Variants in ERICH3 observed in about 807,000 individuals in gnomAD.
ERICH3 encodes glutamate-rich protein 3.
Under a neutral mutation model 131.1 loss-of-function variants are expected in ERICH3, and 126 were observed. That is an observed-to-expected ratio of 0.96 (90% CI 0.83 to 1.11). ERICH3 has a LOEUF of 1.11. ERICH3 is among the 50% of genes most tolerant of loss of function. The pLI is 0.00. For missense variants in ERICH3, 2,050 were observed against 1,810.7 expected, an observed-to-expected ratio of 1.13 and a Z score of -2.40; for synonymous variants, 695 against 644.6, an observed-to-expected ratio of 1.08 and a Z score of -1.18.
rs763551235 is a variant in ERICH3, at chr1:74,571,086, C to T, written c.*18+13G>A. The T allele has an allele frequency of 2.5e-6, 4 of 1,593,732 alleles. No individual in the cohort carries two copies. The highest frequency in any genetic ancestry group is 3.4e-6 in the Non-Finnish European group (4 of 1,171,054). On this transcript the variant is annotated intron_variant, in intron 14 of 14. Coordinates refer to ENST00000326665, the MANE Select transcript of ERICH3 (RefSeq NM_001002912.5). ...GCTATTTAGTCCTACAAAGACATTA[C>T]GCTTAAACTCACTGTCTGCCAGCAA...
intron 12 of ERICH3, among the ~76,000 whole-genome samples, chr1:74,588,357 C>T (rs1025936049): frequency 1.2e-4 from 19 of 152,214 alleles, no homozygotes; most frequent in African/African-American, 4.6e-4. Flanking sequence ...GGCTTCCACT[C>T]AGCAAGTTAT....
rs1646989577 is a variant in ERICH3, at chr1:74,573,156, C to T, written c.2554G>A (p.Gly852Ser). ...AAEAEGVRRL[G>S]EGGSDPIGQA... ...CCTATGGGGTCTGACCCCCCTTCAC[C>T]CAGCCTTCTGACCCCTTCTGCTTCT... The change falls in exon 14 of 15, where the codon GGT becomes AGT. Residue 852 changes from glycine to serine, a missense_variant. By Grantham distance (56) the Gly-to-Ser change is moderately conservative. Transcript: ENST00000326665. 1.9e-6 allele frequency: 3 copies of T among 1,613,504 alleles called. No individual in the cohort carries two copies. The highest frequency in any genetic ancestry group is 3.3e-5 in the Admixed American group (2 of 59,994).
chr1:74,625,519 A>G (rs564733498), intron 7 of ERICH3: 1 of 152,024 alleles, frequency 6.6e-6, no homozygotes, highest in Non-Finnish European at 1.5e-5. Flanking sequence ...CTCGGTCAAA[A>G]CTAATATTTC....
intron 1 of ERICH3, among the ~76,000 whole-genome samples, chr1:74,671,296 T>G (rs585326): frequency 0.31 from 46,584 of 151,294 alleles, 7,971 homozygotes; most frequent in East Asian, 0.63. Context: ...TTATCAGTAG[T>G]TCTGCTTTTG....
intron 11 of ERICH3, among the ~76,000 whole-genome samples, chr1:74,597,127 G>C (rs1647887995): frequency 6.6e-6 from 1 of 152,034 alleles, no homozygotes; most frequent in African/African-American, 2.4e-5. Flanking sequence ...ATGCTGTCTG[G>C]CTTTTCAACA....
chr1:74,655,803 GT>G (rs1275280831), intron 1 of ERICH3, among the ~76,000 whole-genome samples: 1 of 152,136 alleles, frequency 6.6e-6, no homozygotes, highest in East Asian at 1.9e-4. Flanking sequence ...GAATGTGATG[GT>G]GATTGGACTG....
chr1:74,671,884 A>C (rs1457144132), intron 1 of ERICH3, among the ~76,000 whole-genome samples: 1 of 152,186 alleles, frequency 6.6e-6, no homozygotes, highest in Non-Finnish European at 1.5e-5. Flanking sequence ...AAATTAATAC[A>C]ATATGGTGCC....
intron 7 of ERICH3, chr1:74,623,707 C>T (rs1283386988): frequency 6.6e-6 from 1 of 152,158 alleles, no homozygotes; most frequent in Admixed American, 6.5e-5. Context: ...TCAGAGTGAT[C>T]TATTGTTATT....
intron 8 of ERICH3, among the ~76,000 whole-genome samples, chr1:74,617,098 C>T (rs771942560): frequency 5.3e-5 from 8 of 150,752 alleles, no homozygotes; most frequent in Non-Finnish European, 1.2e-4. Flanking sequence ...ATGGCTGGCT[C>T]TGCACCAGGA....
intron 11 of ERICH3, among the ~76,000 whole-genome samples, chr1:74,596,350 G>A (rs1172698999): frequency 9.9e-5 from 15 of 151,536 alleles, no homozygotes; most frequent in Middle Eastern, 3.4e-3. Flanking sequence ...ATTTGTAATT[G>A]ACAAATAATT....
At chr1:74,612,513 C>A (rs1648744122) in intron 9 of ERICH3, 110 bp downstream of exon 9, 2 of 930,002 alleles carry the variant, frequency 2.2e-6, no homozygotes, top group Non-Finnish European at 3.1e-6. Context: ...ATTGTAGGCC[C>A]ATCTATACTG....
chr1:74,615,639 CTT>C (rs1648922894), intron 8 of ERICH3, among the ~76,000 whole-genome samples: 1 of 152,086 alleles, frequency 6.6e-6, no homozygotes, highest in Admixed American at 6.5e-5. Context: ...CAAATCCTCT[CTT>C]TCTTAAAATT....
intron 1 of ERICH3, among the ~76,000 whole-genome samples, chr1:74,652,430 A>C (rs1646544134): frequency 6.6e-6 from 1 of 152,022 alleles, no homozygotes; most frequent in Non-Finnish European, 1.5e-5. Context: ...CCATTTTCAC[A>C]TTTACCCAGT....
intron 12 of ERICH3, among the ~76,000 whole-genome samples, chr1:74,578,829 A>T (rs1261249522): frequency 1.3e-5 from 2 of 152,126 alleles, no homozygotes; most frequent in Admixed American, 1.3e-4. Context: ...AGGGGTAATT[A>T]CTTACTGACC....
chr1:74,648,275 T>A (rs574417075), intron 2 of ERICH3, among the ~76,000 whole-genome samples: 1 of 152,268 alleles, frequency 6.6e-6, no homozygotes, highest in Admixed American at 6.6e-5. Context: ...TCCAAAGAAG[T>A]GATGTTAATA....
intron 8 of ERICH3, among the ~76,000 whole-genome samples, chr1:74,619,981 T>C (rs1034004917): frequency 6.6e-6 from 1 of 152,172 alleles, no homozygotes; most frequent in Non-Finnish European, 1.5e-5. Context: ...AATTCCATGT[T>C]TGTCCCCAAT....
intron 8 of ERICH3, among the ~76,000 whole-genome samples, chr1:74,617,917 G>A (rs1442654759): frequency 6.6e-6 from 1 of 152,168 alleles, no homozygotes; most frequent in Admixed American, 6.5e-5. Context: ...AAACAGGGCT[G>A]AGTGTGGTGG....
Position 74,571,940 on chromosome 1 carries a change from C to G in ERICH3, c.3770G>C (p.Arg1257Thr). ...DHDSCAGLEGRAEGQGGVDVV... is the reference protein window; with the variant it reads ...DHDSCAGLEGTAEGQGGVDVV... ...ATCCACTCCTCCTTGCCCTTCAGCT[C>G]TCCCCTCCAGTCCTGCGCAGGAGTC... Residue 1257 changes from arginine (R) to threonine (T), a missense_variant, in exon 14 of 15, where the codon AGA becomes ACA. Physicochemically the swap from Arg to Thr is moderately conservative, Grantham distance 71. Transcript: ENST00000326665. 1.2e-6 allele frequency: 2 copies of G among 1,613,568 alleles called. No individual in the cohort carries two copies. Among genetic ancestry groups the G allele is most frequent in the Non-Finnish European group, 1.7e-6 (2 of 1,180,042 alleles).
Position 74,576,956 on chromosome 1 carries a change from AG to A in ERICH3, c.2177-21del. 6 of 1,567,914 alleles carry A rather than the reference AG, an allele frequency of 3.8e-6. No homozygotes were observed. Among genetic ancestry groups the A allele is most frequent in the African/African-American group, 1.4e-5 (1 of 72,404 alleles). On this transcript the variant is annotated intron_variant, in intron 12 of 14. Transcript: ENST00000326665. ...CCTTTCCTAGTTAAAAAAAAAAAAA[AG>A]AAAAAAAAGGTCAAATGAATCACTG...
Sources: gnomAD v4.1 joint callset for allele counts (sites outside exome capture counted in the v4.1 genomes callset) on GRCh38, gnomAD v4.1.1 for gene constraint, MANE v1.5 for transcripts, NCBI Gene and HGNC (gene_info 2026-07-23, HGNC 2026-07-21) for gene names.